Variants in PHLPP1 observed in about 807,000 individuals in gnomAD.
The protein encoded by PHLPP1 is PH domain leucine-rich repeat-containing protein phosphatase 1.
PHLPP1 carries 42 observed loss-of-function variants against 117.2 expected under a neutral mutation model. The ratio of observed to expected loss-of-function variants is 0.36; its 90% CI spans 0.28 to 0.46. The LOEUF is 0.46. Ranked by LOEUF, PHLPP1 falls within the 20% of genes least tolerant of loss-of-function variation. The pLI is 1.00. For synonymous variants in PHLPP1, 1,042 were observed against 970.7 expected (o/e 1.07, Z -1.37); for missense variants, 2,084 against 2,241.9 (o/e 0.93, Z 1.42).
intron 1 of PHLPP1, among the ~76,000 whole-genome samples, chr18:62,763,968 G>A (rs1912357737): frequency 6.6e-6 from 1 of 151,904 alleles, no homozygotes; most frequent in African/African-American, 2.4e-5. Context: ...TTCAAGACTA[G>A]CCTGACCAAC....
chr18:62,821,548 C>CAAAAAAAAAAA lies in PHLPP1; in HGVS notation c.1577-8487_1577-8486insAAAAAAAAAAA, dbSNP rs1568127680. On this transcript the variant is annotated intron_variant, in intron 1 of 16. Transcript: ENST00000262719. ...TGGGTGACAGAGTGAGACCCTTTAT[C>CAAAAAAAAAAA]CAAAAAAAAAAAAAAAAAAAAAAGA... Among the ~76,000 whole-genome samples the CAAAAAAAAAAA allele has an allele frequency of 7.2e-4, 21 of 29,268 alleles. 1 individual carries two copies. The highest frequency in any genetic ancestry group is 2.4e-3 in the South Asian group (1 of 416). 19.2% of individuals were successfully genotyped at this position (29,268 alleles called of 152,430 possible).
rs1247485727 is a variant in PHLPP1, at chr18:62,979,966, GA to G, written c.*536del. On this transcript the variant is annotated 3_prime_UTR_variant, in exon 17 of 17. Transcript: ENST00000262719. ...TCTGTCAGGTGACTTAAGTCACTGGGATTCACTAATTTTCTCTGAGAGAACA... is the reference window on the plus strand; with the variant it reads ...TCTGTCAGGTGACTTAAGTCACTGGGTTCACTAATTTTCTCTGAGAGAACA... The G allele has an allele frequency of 6.5e-6, 1 of 154,668 alleles. No individual in the cohort carries two copies. Among genetic ancestry groups the G allele is most frequent in the East Asian group, 1.9e-4 (1 of 5,222 alleles). The allele number at this position is 154,668 out of a possible 1,614,324, so 9.6% of individuals were successfully genotyped here. A position where few individuals can be genotyped will look rare whatever the true frequency, so the allele number is the denominator to read the frequency against.
intron 8 of PHLPP1, among the ~76,000 whole-genome samples, chr18:62,914,420 C>T (rs1381036234): frequency 6.6e-6 from 1 of 152,002 alleles, no homozygotes; most frequent in South Asian, 2.1e-4. Flanking sequence ...GTAACTATGT[C>T]CTTCCTTCTT....
chr18:62,918,841 A>G (rs1909376744), intron 9 of PHLPP1, among the ~76,000 whole-genome samples: 1 of 151,728 alleles, frequency 6.6e-6, no homozygotes. Flanking sequence ...GTAGATATAA[A>G]TGTTCTCATC....
Position 62,920,076 on chromosome 18 carries a change from C to A in PHLPP1, c.2922C>A (p.Leu974=). 6.2e-7 allele frequency: 1 copy of A among 1,613,730 alleles called. No individual in the cohort carries two copies. Among genetic ancestry groups the A allele is most frequent in the Non-Finnish European group, 8.5e-7 (1 of 1,179,796 alleles). Residue 974 remains leucine (L), a synonymous_variant, in exon 10 of 17, where the codon CTC becomes CTA. Transcript: ENST00000262719. ...VEVLDVQHNQ[L]LELPPNLLMK... ...TCTTGGATGTGCAACACAACCAGCT[C>A]CTTGAGCTCCCACCTAACCTTCTGA... is the stretch of plus-strand genomic sequence containing the variant.
chr18:62,973,043 G>A (rs1309605673), intron 15 of PHLPP1, among the ~76,000 whole-genome samples: 3 of 152,160 alleles, frequency 2.0e-5, no homozygotes, highest in African/African-American at 7.2e-5. Flanking sequence ...GAGCTGTAGG[G>A]GCTTTTTAGA....
At chr18:62,865,716 ATTATGTCCTT>A (rs1222962457) in intron 4 of PHLPP1, among the ~76,000 whole-genome samples, 2 of 152,232 alleles carry the variant, frequency 1.3e-5, no homozygotes, top group East Asian at 3.8e-4. Flanking sequence ...AAAAAGTGAG[ATTATGTCCTT>A]TTCAGGGACA....
intron 12 of PHLPP1, among the ~76,000 whole-genome samples, chr18:62,954,806 G>T (rs924230956): frequency 6.6e-6 from 1 of 152,164 alleles, no homozygotes; most frequent in Non-Finnish European, 1.5e-5. Flanking sequence ...TGGTATCTCA[G>T]TTCCCATCCT....
chr18:62,741,105 A>T (rs551429525), intron 1 of PHLPP1, among the ~76,000 whole-genome samples: 1 of 152,348 alleles, frequency 6.6e-6, no homozygotes, highest in African/African-American at 2.4e-5. Context: ...GAGAACTAGG[A>T]TAGAAACTCT....
intron 12 of PHLPP1, among the ~76,000 whole-genome samples, chr18:62,946,444 T>C (rs1011560591): frequency 6.6e-6 from 1 of 152,066 alleles, no homozygotes; most frequent in Non-Finnish European, 1.5e-5. Context: ...TTTTGTATTT[T>C]TTTGTAGAGA....
At chr18:62,838,698 C>A in intron 2 of PHLPP1, 86 bp from the exon 3 acceptor site, 2 of 1,331,760 alleles carry the variant, frequency 1.5e-6, no homozygotes, top group Non-Finnish European at 2.1e-6. Flanking sequence ...TCCATGCAGG[C>A]TCCTTGATCA....
chr18:62,820,383 T>G (rs922406192), intron 1 of PHLPP1, among the ~76,000 whole-genome samples: 1 of 152,236 alleles, frequency 6.6e-6, no homozygotes, highest in African/African-American at 2.4e-5. Context: ...AATAGCAAAA[T>G]ACACATTCTT....
intron 1 of PHLPP1, among the ~76,000 whole-genome samples, chr18:62,766,078 TATATATATATATATATATATATATAAA>T (rs1912497765): frequency 5.2e-5 from 1 of 19,324 alleles, no homozygotes; most frequent in African/African-American, 1.6e-4. Flanking sequence ...AAAAAAAAAA[TATATATATATATATATATATATATAAA>T]ATATATATAT....
chr18:62,718,943 G>A (rs1168917054), intron 1 of PHLPP1, among the ~76,000 whole-genome samples: 1 of 152,168 alleles, frequency 6.6e-6, no homozygotes, highest in African/African-American at 2.4e-5. Context: ...CTTCAAGAGT[G>A]TCTAAAATAT....
At chr18:62,912,545 A>G (rs553191415) in intron 8 of PHLPP1, among the ~76,000 whole-genome samples, 2 of 152,174 alleles carry the variant, frequency 1.3e-5, no homozygotes, top group African/African-American at 2.4e-5. Context: ...CACATTTTGA[A>G]TAAGAGCAGT....
intron 10 of PHLPP1, among the ~76,000 whole-genome samples, chr18:62,936,793 T>A (rs1430211048): frequency 6.6e-6 from 1 of 152,218 alleles, no homozygotes; most frequent in African/African-American, 2.4e-5. Flanking sequence ...TAAGACTGAT[T>A]GGAGAAGAAA....
At chr18:62,782,265 G>T (rs1460480654) in intron 1 of PHLPP1, among the ~76,000 whole-genome samples, 1 of 152,204 alleles carries the variant, frequency 6.6e-6, no homozygotes, top group African/African-American at 2.4e-5. Context: ...ATTTTTGCTT[G>T]TATTTGTGAA....
chr18:62,795,101 A>G (rs1326102783), intron 1 of PHLPP1, among the ~76,000 whole-genome samples: 2 of 152,120 alleles, frequency 1.3e-5, no homozygotes, highest in Non-Finnish European at 2.9e-5. Flanking sequence ...TAAATATAAT[A>G]TTTTAGGCTG....
chr18:62,766,103 A>ATATATATATATATATATATATATG (rs1491171718), intron 1 of PHLPP1, among the ~76,000 whole-genome samples: 2 of 53,380 alleles, frequency 3.7e-5, no homozygotes, highest in Non-Finnish European at 7.9e-5. Context: ...ATATATATAT[A>ATATATATATATATATATATATATG]AAATATATAT....
Sources: allele counts gnomAD v4.1 joint callset (sites outside exome capture counted in the v4.1 genomes callset), GRCh38; gene constraint gnomAD v4.1.1; transcripts MANE v1.5; gene names NCBI Gene and HGNC (gene_info 2026-07-23, HGNC 2026-07-21).